The following AMOTL1 variants were observed in gnomAD, a reference collection of about 807,000 sequenced individuals.
The protein encoded by AMOTL1 is angiomotin like 1.
In AMOTL1, 45 loss-of-function variants were observed where a neutral mutation model predicts 102.9. The ratio of observed to expected loss-of-function variants is 0.44; its 90% confidence interval spans 0.34 to 0.56. AMOTL1 has a LOEUF of 0.56. Among genes scored for constraint, AMOTL1 ranks in the 20% least tolerant of loss-of-function variants. AMOTL1 has a pLI of 0.01. For synonymous variants in AMOTL1, 481 were observed against 484.7 expected (o/e 0.99, Z 0.10); for missense variants, 1,114 against 1,225.6 (o/e 0.91, Z 1.36).
Position 94,869,215 on chromosome 11 carries a change from G to A in AMOTL1, c.2506G>A (p.Glu836Lys), listed in dbSNP as rs758755688. The A allele has an allele frequency of 1.9e-6, 3 of 1,597,390 alleles. No individual in the cohort carries two copies. Among genetic ancestry groups the A allele is most frequent in the South Asian group, 1.1e-5 (1 of 90,460 alleles). ...KGSIGLLLGK[E>K]HHEHASAPLL... ...GCCCTCAGGATTGCTGCTGGGGAAGGAGCACCATGAGCATGCCTCTGCCCC... is the reference window on the plus strand; with the variant it reads ...GCCCTCAGGATTGCTGCTGGGGAAGAAGCACCATGAGCATGCCTCTGCCCC... Residue 836 changes from glutamate to lysine, a missense_variant, in exon 12 of 13, where the codon GAG (glutamate) becomes AAG (lysine). Glu to Lys is a moderately conservative substitution (Grantham distance 56). Coordinates refer to ENST00000433060, the MANE Select transcript of AMOTL1 (RefSeq NM_130847.3).
chr11:94,852,759 A>G (rs1165533773), intron 7 of AMOTL1, among the ~76,000 whole-genome samples: 3 of 152,192 alleles, frequency 2.0e-5, no homozygotes, highest in Admixed American at 6.5e-5. Flanking sequence ...CCAACTACCT[A>G]TCTATAAAGG....
intron 12 of AMOTL1, among the ~76,000 whole-genome samples, chr11:94,870,029 T>A (rs1202362597): frequency 6.6e-6 from 1 of 152,202 alleles, no homozygotes; most frequent in Non-Finnish European, 1.5e-5. Flanking sequence ...AGTCCCTAAG[T>A]GTCCTGGGTA....
At chr11:94,750,269 G>A (rs980206530) in intron 3 of AMOTL1, among the ~76,000 whole-genome samples, 2 of 152,164 alleles carry the variant, frequency 1.3e-5, no homozygotes, top group South Asian at 4.1e-4. Context: ...GGGGAGCTGG[G>A]ATTCAGAAAC....
chr11:94,739,943 A>G (rs893625535), intron 2 of AMOTL1, among the ~76,000 whole-genome samples: 13 of 152,166 alleles, frequency 8.5e-5, no homozygotes, highest in Admixed American at 5.2e-4. Flanking sequence ...TTGCTTCTAC[A>G]TTCTGTATTT....
intron 3 of AMOTL1, among the ~76,000 whole-genome samples, chr11:94,747,123 A>G (rs1283958749): frequency 1.3e-5 from 2 of 152,148 alleles, no homozygotes; most frequent in Non-Finnish European, 1.5e-5. Context: ...TGAAAGTCCA[A>G]TTTTTAAACT....
At chr11:94,735,262 G>T (rs1298143878) in intron 2 of AMOTL1, among the ~76,000 whole-genome samples, 2 of 152,182 alleles carry the variant, frequency 1.3e-5, no homozygotes, top group East Asian at 3.9e-4. Flanking sequence ...GCTTACAGCT[G>T]GAGTCCCTGC....
At chr11:94,806,432 A>T (rs1951570160) in intron 3 of AMOTL1, among the ~76,000 whole-genome samples, 1 of 152,252 alleles carries the variant, frequency 6.6e-6, no homozygotes, top group African/African-American at 2.4e-5. Context: ...CAGTTTATGC[A>T]ATCATGAAAA....
chr11:94,768,534 G>T lies in AMOTL1; in HGVS notation c.23G>T (p.Arg8Leu). 1 of 1,601,870 alleles carries T rather than the reference G, an allele frequency of 6.2e-7. No homozygotes were observed. Among genetic ancestry groups the T allele is most frequent in the East Asian group, 2.3e-5 (1 of 44,104 alleles). Reference sequence around the variant, plus strand: ...CTCATGTGGAGGGCAAAGTTGCGCCGGGGAACTTGTGAGCCTGCGGTGAAA... The same window carrying T: ...CTCATGTGGAGGGCAAAGTTGCGCCTGGGAACTTGTGAGCCTGCGGTGAAA... Reference protein sequence around the residue: MWRAKLRRGTCEPAVKGS... With the variant: MWRAKLRLGTCEPAVKGS... The change falls in exon 1 of 13, where the codon CGG (arginine) becomes CTG (leucine). Residue 8 changes from arginine (R) to leucine (L), a missense_variant. By Grantham distance (102) the Arg-to-Leu change is moderately radical (BLOSUM62 -2). Transcript: ENST00000433060.
chr11:94,853,985 T>C lies in AMOTL1; in HGVS notation c.1847T>C (p.Leu616Pro). The C allele has an allele frequency of 6.2e-7, 1 of 1,603,084 alleles. No homozygotes were observed. Among genetic ancestry groups the C allele is most frequent in the Admixed American group, 1.7e-5 (1 of 58,324 alleles). ...AAAGTTGAGAAGCTGCAGCAGGCCC[T>C]GACCCAGCTGCAGTCTGCATGTGAG... ...VEKVEKLQQA[L>P]TQLQSACEKR... Residue 616 changes from leucine (L) to proline (P), a missense_variant, in exon 8 of 13, where the codon CTG becomes CCG. By Grantham distance (98) the Leu-to-Pro change is moderately conservative. Transcript: ENST00000433060.
At chr11:94,831,406 TC>T in intron 5 of AMOTL1, 45 bp from the exon 6 acceptor site, 2 of 1,478,368 alleles carry the variant, frequency 1.4e-6, no homozygotes, top group South Asian at 2.3e-5. Context: ...GATGATGACT[TC>T]AATCCATATA....
In AMOTL1 at chr11:94,812,925, A is replaced by T. The variant is rs993261692; in HGVS notation, c.1122-8605A>T. ...TGAAATCCCAAATCATCCACATTCC[A>T]TATCAAAGGGCTGAGTCAGTCCTCT... On this transcript the variant is annotated intron_variant, in intron 3 of 12. Coordinates refer to ENST00000433060, the MANE Select transcript of AMOTL1 (RefSeq NM_130847.3). Among the ~76,000 whole-genome samples, 4 of 152,198 alleles carry T rather than the reference A, an allele frequency of 2.6e-5. No homozygotes were observed. In the East Asian group the frequency reaches 7.7e-4, roughly 29 times the overall value.
intron 3 of AMOTL1, among the ~76,000 whole-genome samples, chr11:94,809,483 C>T (rs1038040326): frequency 6.6e-6 from 1 of 152,176 alleles, no homozygotes; most frequent in African/African-American, 2.4e-5. Flanking sequence ...CATTGCATTC[C>T]GTGGTGCTGG....
chr11:94,806,928 G>T (rs1202583435), intron 3 of AMOTL1, among the ~76,000 whole-genome samples: 2 of 152,130 alleles, frequency 1.3e-5, no homozygotes, highest in Non-Finnish European at 2.9e-5. Flanking sequence ...AAAATTTCAG[G>T]GGGTTTGGGT....
chr11:94,820,149 A>G (rs1475507486), intron 3 of AMOTL1, among the ~76,000 whole-genome samples: 1 of 151,562 alleles, frequency 6.6e-6, no homozygotes, highest in Non-Finnish European at 1.5e-5. Context: ...AGAGCCCAAA[A>G]TCTAGGAGTA....
chr11:94,741,742 G>A (rs1049088606), intron 3 of AMOTL1, among the ~76,000 whole-genome samples: 1 of 151,948 alleles, frequency 6.6e-6, no homozygotes, highest in Non-Finnish European at 1.5e-5. Context: ...CTGCTTTCAA[G>A]GTTAGTTTAG....
At chr11:94,869,745 G>C (rs1447233973) in intron 12 of AMOTL1, among the ~76,000 whole-genome samples, 2 of 152,194 alleles carry the variant, frequency 1.3e-5, no homozygotes, top group African/African-American at 2.4e-5. Flanking sequence ...TCCCCGGATG[G>C]AGTGACAACA....
At chr11:94,740,909 AGTT>A in intron 2 of AMOTL1, 1 of 1,288,236 alleles carries the variant, frequency 7.8e-7, no homozygotes, top group Non-Finnish European at 1.0e-6. Flanking sequence ...TAGCGATTCG[AGTT>A]GTTTTCTGCT....
Position 94,869,315 on chromosome 11 carries a change from A to G in AMOTL1, c.2606A>G (p.Lys869Arg), listed in dbSNP as rs201106653. Residue 869 changes from lysine (K) to arginine (R), a missense_variant, in exon 12 of 13, where the codon AAG becomes AGG. Physicochemically the swap from Lys to Arg is conservative, Grantham distance 26. Transcript: ENST00000433060. ...STTAASSAHA[K>R]TGSKDSSTQT... ...ACGGCAGCCAGCAGTGCCCACGCCA[A>G]GACAGGCAGCAAGGACAGCAGCACA... The G allele has an allele frequency of 1.2e-6, 2 of 1,612,772 alleles. No homozygotes were observed. Among genetic ancestry groups the G allele is most frequent in the Non-Finnish European group, 1.7e-6 (2 of 1,179,506 alleles).
chr11:94,727,048 C>T (rs898861045), intron 1 of AMOTL1, among the ~76,000 whole-genome samples: 1 of 152,068 alleles, frequency 6.6e-6, no homozygotes, highest in African/African-American at 2.4e-5. Flanking sequence ...CTCACACATC[C>T]ATATCATCTT....
Sources: gnomAD v4.1 joint callset for allele counts (sites outside exome capture counted in the v4.1 genomes callset) on GRCh38, gnomAD v4.1.1 for gene constraint, MANE v1.5 for transcripts, NCBI Gene and HGNC (gene_info 2026-07-23, HGNC 2026-07-21) for gene names.